The following MAML3 variants were observed in gnomAD, a reference collection of about 807,000 sequenced individuals.
MAML3 encodes mastermind-like protein 3.
Under a neutral mutation model 101.9 loss-of-function variants are expected in MAML3, and 27 were observed. The observed-to-expected ratio is 0.27, with a 90% CI of 0.20 to 0.37. The LOEUF (loss-of-function observed/expected upper bound fraction) is 0.37, where lower values mean the gene tolerates loss of function less well. Ranked by LOEUF, MAML3 falls within the 10% of genes least tolerant of loss-of-function variation. The pLI, the probability that MAML3 is intolerant of heterozygous loss-of-function variation, is 1.00. For synonymous variants in MAML3, 501 were observed against 555.9 expected, an observed-to-expected ratio of 0.90 and a Z score of 1.39; for missense variants, 1,316 against 1,444.9, an observed-to-expected ratio of 0.91 and a Z score of 1.45.
chr4:139,811,904 A>C (rs1730804399), intron 2 of MAML3, among the ~76,000 whole-genome samples: 1 of 152,212 alleles, frequency 6.6e-6, no homozygotes, highest in Non-Finnish European at 1.5e-5. Context: ...GTAGAGCAGG[A>C]AAAGCTGAAA....
At chr4:139,922,414 GAGA>G (rs1578598360) in intron 1 of MAML3, among the ~76,000 whole-genome samples, 1 of 152,128 alleles carries the variant, frequency 6.6e-6, no homozygotes, top group East Asian at 1.9e-4. Context: ...TACAGGCAGA[GAGA>G]AGAAGGCAGG....
At chr4:139,949,122 T>TC (rs1478096052) in intron 1 of MAML3, among the ~76,000 whole-genome samples, 3 of 152,076 alleles carry the variant, frequency 2.0e-5, no homozygotes, top group African/African-American at 7.2e-5. Context: ...TTCAAGAAAT[T>TC]CCCCTGCCTC....
chr4:139,869,282 T>G (rs1003453328), intron 2 of MAML3, among the ~76,000 whole-genome samples: 1 of 152,322 alleles, frequency 6.6e-6, no homozygotes, highest in South Asian at 2.1e-4. Flanking sequence ...ACTCTACTCT[T>G]TACTCCAGTT....
chr4:139,744,894 T>C (rs533033065), intron 2 of MAML3, among the ~76,000 whole-genome samples: 1 of 152,146 alleles, frequency 6.6e-6, no homozygotes, highest in Non-Finnish European at 1.5e-5. Flanking sequence ...GGCGTAGAAA[T>C]AGGCCCAAAT....
chr4:139,930,584 C>T (rs189467794), intron 1 of MAML3, among the ~76,000 whole-genome samples: 1 of 152,152 alleles, frequency 6.6e-6, no homozygotes, highest in Admixed American at 6.5e-5. Context: ...CACTGAAACA[C>T]AGTAGCAAGG....
rs561917205 is a variant in MAML3, at chr4:140,055,930, G to A, written c.468+96930C>T. Among the ~76,000 whole-genome samples, 3 of 151,774 alleles carry A rather than the reference G, an allele frequency of 2.0e-5. No homozygotes were observed. In the South Asian group the frequency reaches 6.3e-4, roughly 32 times the overall value. ...ATAAAAGACATTATCCAAAAACCTA[G>A]AAATGGAGAACTGATGATAGGAGAG... On this transcript the variant is annotated intron_variant, in intron 1 of 4. Coordinates refer to ENST00000509479, the MANE Select transcript of MAML3 (RefSeq NM_018717.5).
intron 1 of MAML3, among the ~76,000 whole-genome samples, chr4:139,894,001 C>T (rs931416866): frequency 2.0e-5 from 3 of 152,054 alleles, no homozygotes; most frequent in South Asian, 2.1e-4. Flanking sequence ...TCTTTCCACT[C>T]GGGTACTCTC....
intron 1 of MAML3, among the ~76,000 whole-genome samples, chr4:139,902,251 ACGCACACACACGCACACACACACG>A (rs1732739184): frequency 4.0e-5 from 2 of 50,404 alleles, no homozygotes; most frequent in South Asian, 1.2e-3. Context: ...GCGCACGCAC[ACGCACACACACGCACACACACACG>A]CACACACACA....
At chr4:139,955,649 C>CT (rs1368906597) in intron 1 of MAML3, among the ~76,000 whole-genome samples, 1 of 152,174 alleles carries the variant, frequency 6.6e-6, no homozygotes, top group Non-Finnish European at 1.5e-5. Flanking sequence ...ATTACACAGT[C>CT]TCTTTAAATG....
At chr4:140,093,911 T>C (rs185962501) in intron 1 of MAML3, among the ~76,000 whole-genome samples, 197 of 152,298 alleles carry the variant, frequency 1.3e-3, no homozygotes, top group Non-Finnish European at 2.2e-3. Context: ...GGCCGTCAGG[T>C]TGTCCTGCTC....
At chr4:139,868,405 ATAAAT>A (rs1195116057) in intron 2 of MAML3, among the ~76,000 whole-genome samples, 14 of 152,214 alleles carry the variant, frequency 9.2e-5, no homozygotes, top group Non-Finnish European at 2.1e-4. Context: ...TACTACGAAA[ATAAAT>A]TAAAATGTGA....
intron 1 of MAML3, among the ~76,000 whole-genome samples, chr4:139,906,624 G>C (rs1732826241): frequency 6.6e-6 from 1 of 152,226 alleles, no homozygotes; most frequent in Non-Finnish European, 1.5e-5. Flanking sequence ...AACAGGTTCA[G>C]AGTTTGTCAA....
chr4:139,742,149 C>CTTT (rs67056013), intron 2 of MAML3, among the ~76,000 whole-genome samples: 1 of 113,690 alleles, frequency 8.8e-6, no homozygotes, highest in East Asian at 2.5e-4. Context: ...CTTTTCTTTT[C>CTTT]TTTTTTTTTT....
chr4:139,903,457 G>A (rs55928302), intron 1 of MAML3, among the ~76,000 whole-genome samples: 1,707 of 152,246 alleles, frequency 0.011, 34 homozygotes, highest in African/African-American at 0.039. Context: ...CCTTCTGGAC[G>A]GCAATGTAGC....
intron 2 of MAML3, among the ~76,000 whole-genome samples, chr4:139,831,951 C>G (rs769101285): frequency 7.9e-5 from 12 of 151,946 alleles, no homozygotes; most frequent in Non-Finnish European, 1.8e-4. Flanking sequence ...CGCCACCACG[C>G]CCGGCTAATT....
chr4:140,098,679 C>T (rs544406106), intron 1 of MAML3, among the ~76,000 whole-genome samples: 49 of 152,354 alleles, frequency 3.2e-4, no homozygotes, highest in African/African-American at 1.1e-3. Context: ...GTGAGATTCA[C>T]GCTGCCCATG....
chr4:140,011,490 G>A (rs1033886391), intron 1 of MAML3, among the ~76,000 whole-genome samples: 4 of 148,950 alleles, frequency 2.7e-5, no homozygotes, highest in Non-Finnish European at 3.0e-5. Flanking sequence ...GACTACAGGC[G>A]CCCGCCACCG....
At chr4:139,738,608 C>CA (rs1266625511) in intron 2 of MAML3, among the ~76,000 whole-genome samples, 2 of 151,986 alleles carry the variant, frequency 1.3e-5, no homozygotes, top group African/African-American at 4.8e-5. Flanking sequence ...ATTGATAGGG[C>CA]AATTACTTAA....
chr4:139,803,658 TA>T (rs1422603822), intron 2 of MAML3, among the ~76,000 whole-genome samples: 3 of 152,180 alleles, frequency 2.0e-5, no homozygotes, highest in Non-Finnish European at 4.4e-5. Flanking sequence ...GTGCTTCTGT[TA>T]CCCCAGTTCT....
Sources: allele counts gnomAD v4.1 joint callset (sites outside exome capture counted in the v4.1 genomes callset), GRCh38; gene constraint gnomAD v4.1.1; transcripts MANE v1.5; gene names NCBI Gene and HGNC (gene_info 2026-07-23, HGNC 2026-07-21).